Variants in DNAH17 observed in about 807,000 individuals in gnomAD.
DNAH17 encodes dynein axonemal heavy chain 17.
DNAH17 carries 376 observed loss-of-function variants against 485.6 expected under a neutral mutation model. That is an observed-to-expected ratio of 0.77 (90% CI 0.71 to 0.84). The LOEUF (loss-of-function observed/expected upper bound fraction) is 0.84, where lower values mean the gene tolerates loss of function less well. Among genes scored for constraint, DNAH17 ranks in the 40% least tolerant of loss-of-function variants. The probability of loss-of-function intolerance (pLI) is 0.00; values close to 1 mark genes in which losing one functional copy is unlikely to be tolerated. For synonymous variants in DNAH17, 3,031 were observed against 2,405.9 expected, an observed-to-expected ratio of 1.26 and a Z score of -7.60; for missense variants, 6,370 against 5,839.3, an observed-to-expected ratio of 1.09 and a Z score of -2.96.
Position 78,507,486 on chromosome 17 carries a change from C to T in DNAH17, c.4556G>A (p.Arg1519His), listed in dbSNP as rs374015187. ...GAATTCCTGGTTGATGTCGTCAAAG[C>T]GCTGGGAGTCCCCCGGGAGCTGGGT... ...IRTQLPGDSQ[R>H]FDDINQEFKA... The change falls in exon 28 of 81, where the codon CGC (arginine) becomes CAC (histidine). Residue 1519 changes from arginine (R) to histidine (H), a missense_variant. Arg to His is a conservative substitution (Grantham distance 29). Coordinates refer to ENST00000389840, the MANE Select transcript of DNAH17 (RefSeq NM_173628.4). 517 of 1,612,852 alleles carry T rather than the reference C, an allele frequency of 3.2e-4. 4 individuals carry two copies. The South Asian group carries it at 5.3e-3, about 17-fold the overall frequency.
rs368136667 is a variant in DNAH17 at position 78,532,745 on chromosome 17, G to T, written c.2860-9C>A. The T allele has an allele frequency of 2.0e-4, 309 of 1,582,510 alleles. No individual in the cohort carries two copies. Among genetic ancestry groups the T allele is most frequent in the Non-Finnish European group, 2.6e-4 (303 of 1,162,372 alleles). ...TTATCTTCCAGGTCCATCTGAAAGG[G>T]GCAGGGGAGAAGCAAAAAGGGGAGG... On this transcript the variant is annotated splice_polypyrimidine_tract_variant and intron_variant, in intron 19 of 80. Transcript: ENST00000389840.
At chr17:78,564,820 C>T (rs887533348) in intron 11 of DNAH17, among the ~76,000 whole-genome samples, 1 of 152,068 alleles carries the variant, frequency 6.6e-6, no homozygotes, top group Admixed American at 6.6e-5. Flanking sequence ...CATTAGTATA[C>T]AAATGAATAT....
chr17:78,464,029 C>T (rs888247841), intron 56 of DNAH17, among the ~76,000 whole-genome samples: 3 of 152,146 alleles, frequency 2.0e-5, no homozygotes, highest in Admixed American at 6.5e-5. Flanking sequence ...GGCAAGTAGG[C>T]TCTTTTTCCC....
chr17:78,423,827 G>T lies in DNAH17; in HGVS notation c.*79C>A. 2.6e-6 allele frequency: 4 copies of T among 1,534,986 alleles called. No individual in the cohort carries two copies. Among genetic ancestry groups the T allele is most frequent in the South Asian group, 1.2e-5 (1 of 84,772 alleles). On this transcript the variant is annotated 3_prime_UTR_variant, in exon 81 of 81. Transcript: ENST00000389840. ...AAAAACCACCACCAGTTCCTGTAAA[G>T]AATAAGTCACAGGTGCACAGGTGAA...
intron 16 of DNAH17, among the ~76,000 whole-genome samples, chr17:78,546,109 T>C (rs2091756410): frequency 6.6e-6 from 1 of 152,150 alleles, no homozygotes; most frequent in African/African-American, 2.4e-5. Flanking sequence ...CCAGAATAGC[T>C]GGGACCACAG....
intron 6 of DNAH17, among the ~76,000 whole-genome samples, chr17:78,570,655 C>G (rs926815821): frequency 1.3e-5 from 2 of 151,836 alleles, no homozygotes; most frequent in Non-Finnish European, 2.9e-5. Context: ...GTCAGGAGAT[C>G]GAGACCATCC....
At chr17:78,481,748 C>T (rs1189760928) in intron 48 of DNAH17, among the ~76,000 whole-genome samples, 1 of 152,196 alleles carries the variant, frequency 6.6e-6, no homozygotes, top group Non-Finnish European at 1.5e-5. Context: ...GGCACAGTGG[C>T]TCATGCCTGT....
intron 69 of DNAH17, among the ~76,000 whole-genome samples, 197 bp downstream of exon 69, chr17:78,449,214 TATC>T (rs1352924117): frequency 2.6e-5 from 4 of 152,136 alleles, no homozygotes; most frequent in Non-Finnish European, 5.9e-5. Flanking sequence ...GCTTCCCAAA[TATC>T]AACTAGGAGA....
At chr17:78,432,905 C>CCCCA (rs2086728063) in intron 75 of DNAH17, among the ~76,000 whole-genome samples, 2 of 115,176 alleles carry the variant, frequency 1.7e-5, no homozygotes, top group Non-Finnish European at 1.9e-5. Flanking sequence ...CAAACGTGCC[C>CCCCA]CCCCCCCCCG....
chr17:78,576,596 C>T (rs1035674324), intron 1 of DNAH17, among the ~76,000 whole-genome samples: 30 of 152,110 alleles, frequency 2.0e-4, no homozygotes, highest in African/African-American at 4.8e-4. Context: ...CCCGGGGACG[C>T]GTCACGTCGT....
chr17:78,423,918 G>T lies in DNAH17; in HGVS notation c.13377C>A (p.Leu4459=). ...AKWILAAVAL[L]LQV Reference sequence around the variant, plus strand: ...AGGCAGGAGCGAGCTAAACCTGTAGGAGCAGCGCCACGGCTGCCAGGATCC... The same window carrying T: ...AGGCAGGAGCGAGCTAAACCTGTAGTAGCAGCGCCACGGCTGCCAGGATCC... The change falls in exon 81 of 81, where the codon CTC becomes CTA. Residue 4459 remains leucine, a synonymous_variant. Transcript: ENST00000389840. 6.2e-7 allele frequency: 1 copy of T among 1,613,944 alleles called. No homozygotes were observed. The highest frequency in any genetic ancestry group is 1.1e-5 in the South Asian group (1 of 91,040).
At chr17:78,433,985 G>GGAGGGAAAA in intron 75 of DNAH17, 44 bp downstream of exon 75, 2 of 1,504,270 alleles carry the variant, frequency 1.3e-6, no homozygotes, top group Non-Finnish European at 1.8e-6. Context: ...AGGAGGGAAA[G>GGAGGGAAAA]AGGGAGGGAT....
intron 42 of DNAH17, 50 bp from the exon 43 acceptor site, chr17:78,491,620 C>A: frequency 1.3e-6 from 2 of 1,575,352 alleles, no homozygotes; most frequent in Non-Finnish European, 1.7e-6. Flanking sequence ...CGGCCCCATT[C>A]CAGTCCCCAC....
In DNAH17 at chr17:78,570,812, C is replaced by A. The variant is rs561248849; in HGVS notation, c.918+136G>T. ...GTTGGAGGTTGCAGTGAGCCGAGATCGCGCCACAGCACTCTAGCCTGGTGA... is the reference window on the plus strand; with the variant it reads ...GTTGGAGGTTGCAGTGAGCCGAGATAGCGCCACAGCACTCTAGCCTGGTGA... On this transcript the variant is annotated intron_variant, in intron 6 of 80. Transcript: ENST00000389840. The A allele has an allele frequency of 5.0e-5, 31 of 624,118 alleles. No individual in the cohort carries two copies. In the East Asian group the frequency reaches 9.7e-4, roughly 19 times the overall value. The allele number at this position is 624,118 out of a possible 1,614,324, so 38.7% of individuals were successfully genotyped here.
At chr17:78,562,708 A>T (rs2092183032) in intron 11 of DNAH17, among the ~76,000 whole-genome samples, 1 of 152,260 alleles carries the variant, frequency 6.6e-6, no homozygotes, top group African/African-American at 2.4e-5. Context: ...TTCTACTCTG[A>T]TACAGATAAA....
chr17:78,472,618 C>T (rs779999725), intron 54 of DNAH17: 8 of 403,596 alleles, frequency 2.0e-5, no homozygotes, highest in East Asian at 1.9e-4. Flanking sequence ...CGCCTGGCCC[C>T]GGGGGCTGTG....
At position 78,506,821 on chromosome 17, in the gene DNAH17, C is replaced by A. The variant is rs2090497723; in HGVS notation, c.4702G>T (p.Ala1568Ser). ...AGTCTTTTCGTCTCTAAATACTCTG[C>A]CAAAGCCTTTTCACAGATGGCCAAG... ...KSLAICEKAL[A>S]EYLETKRLAF... Residue 1568 changes from alanine to serine, a missense_variant, in exon 30 of 81, where the codon GCA becomes TCA. Physicochemically the swap from Ala to Ser is moderately conservative, Grantham distance 99. Coordinates refer to ENST00000389840, the MANE Select transcript of DNAH17 (RefSeq NM_173628.4). 1.2e-6 allele frequency: 2 copies of A among 1,613,920 alleles called. No individual in the cohort carries two copies. Among genetic ancestry groups the A allele is most frequent in the Non-Finnish European group, 1.7e-6 (2 of 1,179,872 alleles).
At position 78,454,508 on chromosome 17, in the gene DNAH17, G is replaced by A; in HGVS notation, c.10368C>T (p.Tyr3456=). The change falls in exon 64 of 81, where the codon TAC becomes TAT. Residue 3456 remains tyrosine, a synonymous_variant. Coordinates refer to ENST00000389840, the MANE Select transcript of DNAH17 (RefSeq NM_173628.4). ...LQGIKWIKNK[Y]RSELKAIRLG... ...GGCGGATGGCTTTCAGTTCACTCCT[G>A]TATTTGTTTTTGATCCACTTGATTC... The A allele has an allele frequency of 1.2e-6, 2 of 1,613,444 alleles. No individual in the cohort carries two copies. The highest frequency in any genetic ancestry group is 1.1e-5 in the South Asian group (1 of 90,996).
At chr17:78,495,151 A>G in intron 38 of DNAH17, 54 bp from the exon 39 acceptor site, 1 of 1,515,444 alleles carries the variant, frequency 6.6e-7, no homozygotes, top group Non-Finnish European at 8.9e-7. Context: ...CCCAACCTAC[A>G]CCCCTGCCTG....
Sources: gnomAD v4.1 joint callset for allele counts (sites outside exome capture counted in the v4.1 genomes callset) on GRCh38, gnomAD v4.1.1 for gene constraint, MANE v1.5 for transcripts, NCBI Gene and HGNC (gene_info 2026-07-23, HGNC 2026-07-21) for gene names.